Variants in CBL observed in about 807,000 individuals in gnomAD.
CBL encodes the protein E3 ubiquitin-protein ligase CBL.
Under a neutral mutation model 96.9 loss-of-function variants are expected in CBL, and 45 were observed. That is an observed-to-expected ratio of 0.46 (90% confidence interval 0.37 to 0.60). The LOEUF (loss-of-function observed/expected upper bound fraction) is 0.60, where lower values mean the gene tolerates loss of function less well. Among genes scored for constraint, CBL ranks in the 20% least tolerant of loss-of-function variants. The pLI, the probability that CBL is intolerant of heterozygous loss-of-function variation, is 0.00. For synonymous variants in CBL, 420 were observed against 426.8 expected (o/e 0.98, Z 0.20); for missense variants, 1,024 against 1,143.5 (o/e 0.90, Z 1.51).
intron 2 of CBL, among the ~76,000 whole-genome samples, chr11:119,240,681 G>A (rs1949579310): frequency 6.6e-6 from 1 of 152,142 alleles, no homozygotes; most frequent in African/African-American, 2.4e-5. Context: ...CTGTGGCTTG[G>A]GAGACATATG....
chr11:119,277,423 G>T (rs1222985795), intron 6 of CBL, among the ~76,000 whole-genome samples: 2 of 152,008 alleles, frequency 1.3e-5, no homozygotes, highest in South Asian at 4.1e-4. Flanking sequence ...ATGTGACACA[G>T]ACTAATGTGG....
Position 119,299,631 on chromosome 11 carries a change from C to T in CBL, c.2571C>T (p.Leu857=). The part of the protein sequence containing the change: ...AASAATASPQ[L]SSEIENLMSQ... ...CTGCTGCCACCGCCTCACCTCAGCT[C>T]TCCAGTGAGATCGAGAACCTCATGA... Residue 857 remains leucine, a synonymous_variant, in exon 16 of 16, where the codon CTC becomes CTT. Coordinates refer to ENST00000264033, the MANE Select transcript of CBL (RefSeq NM_005188.4). 2 of 1,614,214 alleles carry T rather than the reference C, an allele frequency of 1.2e-6. No individual in the cohort carries two copies. The highest frequency in any genetic ancestry group is 1.7e-6 in the Non-Finnish European group (2 of 1,180,032).
In CBL at chr11:119,278,286, A is replaced by C. The variant is rs1949905404; in HGVS notation, c.1216A>C (p.Thr406Pro). Residue 406 changes from threonine to proline, a missense_variant, in exon 8 of 16, where the codon ACA becomes CCA. Around this residue, in one of 4 missense-constraint regions of CBL, gnomAD observed 695 missense variants for 661.6 expected, o/e 1.05. Transcript: ENST00000264033. ...CGHLMCTSCL[T>P]SWQESEGQGC... ...ACACCTCATGTGCACATCCTGTCTT[A>C]CATCCTGGCAGGTACGGATCTAAAC... 6.2e-7 allele frequency: 1 copy of C among 1,613,996 alleles called. No individual in the cohort carries two copies. Among genetic ancestry groups the C allele is most frequent in the African/African-American group, 1.3e-5 (1 of 74,932 alleles).
Position 119,206,454 on chromosome 11 carries a change from G to GGCGGCA in CBL, c.43_48dup (p.Ser17_Gly18dup). The GGCGGCA allele has an allele frequency of 6.3e-7, 1 of 1,581,250 alleles. No homozygotes were observed. The highest frequency in any genetic ancestry group is 1.1e-5 in the South Asian group (1 of 87,266). ...CGTGAAGAAGAGCTCTGGGGCCGGG[G>GGCGGCA]GCGGCAGCGGCTCCGGGGGCTCGGG... On this transcript the variant is annotated inframe_insertion, in exon 1 of 16. Transcript: ENST00000264033.
At chr11:119,219,687 T>TG (rs1949392501) in intron 1 of CBL, among the ~76,000 whole-genome samples, 2 of 151,742 alleles carry the variant, frequency 1.3e-5, no homozygotes, top group African/African-American at 4.8e-5. Flanking sequence ...TTGCCTTTTT[T>TG]TTTTTTTTTA....
intron 9 of CBL, among the ~76,000 whole-genome samples, chr11:119,279,434 C>T (rs931409573): frequency 6.6e-6 from 1 of 151,946 alleles, no homozygotes; most frequent in Non-Finnish European, 1.5e-5. Context: ...TCAGTTGAGC[C>T]CAGCAATTCG....
intron 2 of CBL, among the ~76,000 whole-genome samples, chr11:119,238,698 G>A (rs1949563639): frequency 6.6e-6 from 1 of 152,066 alleles, no homozygotes; most frequent in African/African-American, 2.4e-5. Flanking sequence ...AGGTGTGCTG[G>A]CGAGTACCTC....
At chr11:119,277,885 A>G (rs747273433) in intron 7 of CBL, 41 bp downstream of exon 7, 2 of 1,285,850 alleles carry the variant, frequency 1.6e-6, no homozygotes, top group South Asian at 1.2e-5. Flanking sequence ...ACTGGACACA[A>G]GCTTTAGTAT....
At chr11:119,285,958 G>GA (rs1402615587) in intron 11 of CBL, among the ~76,000 whole-genome samples, 1 of 151,588 alleles carries the variant, frequency 6.6e-6, no homozygotes, top group Non-Finnish European at 1.5e-5. Flanking sequence ...GAAATTTTGT[G>GA]ATAAGTTTTA....
Position 119,206,590 on chromosome 11 carries a change from A to C in CBL, c.173A>C (p.Lys58Thr). Residue 58 changes from lysine to threonine, a missense_variant, in exon 1 of 16, where the codon AAG (lysine) becomes ACG (threonine). Physicochemically the swap from Lys to Thr is moderately conservative, Grantham distance 78. This residue lies in a region of CBL where 114 missense variants were observed against 117.4 expected (regional missense o/e 0.97). Coordinates refer to ENST00000264033, the MANE Select transcript of CBL (RefSeq NM_005188.4). ...ACGGTGGACAAGAAGATGGTGGAGA[A>C]GTGCTGGAAGCTCATGGACAAGGTG... Reference protein sequence around the residue: ...PGTVDKKMVEKCWKLMDKVVR... With the variant: ...PGTVDKKMVETCWKLMDKVVR... 6.5e-7 allele frequency: 1 copy of C among 1,548,426 alleles called. No individual in the cohort carries two copies. The highest frequency in any genetic ancestry group is 8.7e-7 in the Non-Finnish European group (1 of 1,146,150).
Position 119,298,529 on chromosome 11 carries a change from A to G in CBL, c.2423A>G (p.Asp808Gly). The G allele has an allele frequency of 6.2e-7, 1 of 1,614,138 alleles. No homozygotes were observed. Among genetic ancestry groups the G allele is most frequent in the Non-Finnish European group, 8.5e-7 (1 of 1,180,010 alleles). Reference protein sequence around the residue: ...SSFGWLSLDGDPTTNVTEGSQ... With the variant: ...SSFGWLSLDGGPTTNVTEGSQ... ...TTTGGCTGGTTGTCTCTGGATGGTG[A>G]TCCTACAACAAGTGAGTCTCCAGAC... is the stretch of plus-strand genomic sequence containing the variant. Residue 808 changes from aspartate (D) to glycine (G), a missense_variant, in exon 15 of 16, where the codon GAT (aspartate) becomes GGT (glycine). Transcript: ENST00000264033.
intron 9 of CBL, among the ~76,000 whole-genome samples, chr11:119,283,542 A>G (rs1339662964): frequency 1.3e-5 from 2 of 149,604 alleles, no homozygotes; most frequent in Non-Finnish European, 3.0e-5. Context: ...GGAAAAGGTT[A>G]TATATGTGTT....
chr11:119,246,197 TC>T (rs1949630065), intron 2 of CBL, among the ~76,000 whole-genome samples: 1 of 151,694 alleles, frequency 6.6e-6, no homozygotes. Flanking sequence ...ATAGTCTTGA[TC>T]TCTTGACCTC....
At chr11:119,247,903 ATACT>A (rs1483985683) in intron 2 of CBL, among the ~76,000 whole-genome samples, 1 of 152,236 alleles carries the variant, frequency 6.6e-6, no homozygotes, top group African/African-American at 2.4e-5. Flanking sequence ...AAATAATAAA[ATACT>A]TAGGAATAAA....
chr11:119,244,641 G>C (rs988512358), intron 2 of CBL, among the ~76,000 whole-genome samples: 1 of 146,166 alleles, frequency 6.8e-6, no homozygotes, highest in Non-Finnish European at 1.5e-5. Context: ...GAGTGCAGTG[G>C]CGTGATCTCG....
At chr11:119,250,734 T>C (rs1295282201) in intron 2 of CBL, among the ~76,000 whole-genome samples, 2 of 152,142 alleles carry the variant, frequency 1.3e-5, no homozygotes, top group East Asian at 1.9e-4. Context: ...GTGTATTCCT[T>C]GAGGCCAGGA....
intron 2 of CBL, among the ~76,000 whole-genome samples, chr11:119,263,540 A>T (rs1949770983): frequency 1.3e-5 from 2 of 152,240 alleles, no homozygotes; most frequent in Non-Finnish European, 2.9e-5. Flanking sequence ...CAAAAGCAGG[A>T]CCATGAGTAT....
At chr11:119,297,312 A>G in intron 13 of CBL, 72 bp from the exon 14 acceptor site, 7 of 1,218,872 alleles carry the variant, frequency 5.7e-6, no homozygotes, top group Non-Finnish European at 7.3e-6. Flanking sequence ...AAACGAGAAG[A>G]TGAATCTTCA....
Position 119,288,536 on chromosome 11 carries a change from A to G in CBL, c.2036+590A>G, listed in dbSNP as rs143488228. Among the ~76,000 whole-genome samples, 14 of 152,262 alleles carry G rather than the reference A, an allele frequency of 9.2e-5. No homozygotes were observed. In the East Asian group the frequency reaches 1.9e-3, roughly 21 times the overall value. On this transcript the variant is annotated intron_variant, in intron 12 of 15. Transcript: ENST00000264033. Reference sequence around the variant, plus strand: ...GGGGTCTCTTCCTATAAGGACACCAATGCTACTGGGTCCTCCTATTCTTAT... The same window carrying G: ...GGGGTCTCTTCCTATAAGGACACCAGTGCTACTGGGTCCTCCTATTCTTAT...
Sources: allele counts gnomAD v4.1 joint callset (sites outside exome capture counted in the v4.1 genomes callset), GRCh38; gene constraint gnomAD v4.1.1; regional missense constraint gnomAD v4.1.1; transcripts MANE v1.5; gene names NCBI Gene and HGNC (gene_info 2026-07-23, HGNC 2026-07-21).